Variants in SYT12 observed in about 807,000 individuals in gnomAD.
SYT12 encodes the protein synaptotagmin-12.
In SYT12, 27 loss-of-function variants were observed where a neutral mutation model predicts 39.5. The observed-to-expected ratio is 0.68, with a 90% CI of 0.50 to 0.94. The LOEUF (loss-of-function observed/expected upper bound fraction) is 0.94, where lower values mean the gene tolerates loss of function less well. Among genes scored for constraint, SYT12 ranks in the 40% least tolerant of loss-of-function variants. The probability of loss-of-function intolerance (pLI) is 0.00; values close to 1 mark genes in which losing one functional copy is unlikely to be tolerated. For missense variants in SYT12, 536 were observed against 572.6 expected, an observed-to-expected ratio of 0.94 and a Z score of 0.65; for synonymous variants, 233 against 239.7, an observed-to-expected ratio of 0.97 and a Z score of 0.26.
chr11:67,034,055 A>G (rs1052943903), intron 2 of SYT12, among the ~76,000 whole-genome samples: 2 of 152,232 alleles, frequency 1.3e-5, no homozygotes, highest in African/African-American at 2.4e-5. Flanking sequence ...AGAGATTCAC[A>G]GAGAGAAAAG....
At chr11:67,020,370 T>C (rs538481491), upstream of SYT12, among the ~76,000 whole-genome samples, 2 of 152,290 alleles carry the variant, frequency 1.3e-5, no homozygotes, top group East Asian at 3.9e-4. Context: ...CAGCAGGGTC[T>C]GTAGGCCCCA....
At chr11:67,038,180 T>C (rs1343129777) in intron 3 of SYT12, among the ~76,000 whole-genome samples, 2 of 151,456 alleles carry the variant, frequency 1.3e-5, no homozygotes, top group African/African-American at 4.9e-5. Flanking sequence ...TATTTATTTA[T>C]TTTTGAGACA....
Position 67,039,776 on chromosome 11 carries a change from C to T in SYT12, c.229-35C>T, listed in dbSNP as rs1452206924. The T allele has an allele frequency of 1.9e-6, 3 of 1,572,310 alleles. No individual in the cohort carries two copies. The African/African-American group carries it at 4.0e-5, about 21-fold the overall frequency. On this transcript the variant is annotated intron_variant, in intron 3 of 7. Coordinates refer to ENST00000527043, the MANE Select transcript of SYT12 (RefSeq NM_177963.4). ...TCCCAGTGACCTTGCCTATGGCCCC[C>T]ATGATGCTCCCACGTCCCTCTTTCT...
rs1157177288 is a variant in SYT12, at chr11:67,023,278, T to C, written c.-206T>C. 2 of 148,898 alleles carry C rather than the reference T, an allele frequency of 1.3e-5. No homozygotes were observed. Among genetic ancestry groups the C allele is most frequent in the Non-Finnish European group, 3.0e-5 (2 of 66,806 alleles). 9.2% of individuals were successfully genotyped at this position (148,898 alleles called of 1,614,324 possible). ...TGCCCGGACTGCGGCGCAGCTCCGG[T>C]CCGCCGCCCCGGCCCGGCCGAGCCC... On this transcript the variant is annotated 5_prime_UTR_variant, in exon 1 of 8. Transcript: ENST00000527043.
intron 3 of SYT12, among the ~76,000 whole-genome samples, chr11:67,038,428 T>A (rs1950429356): frequency 2.0e-5 from 3 of 151,680 alleles, no homozygotes; most frequent in Admixed American, 2.0e-4. Flanking sequence ...CCTCCCAAAG[T>A]GCTGGTTTTA....
Position 67,013,416 on chromosome 11 carries a change from C to G in SYT12, c.-69+2422C>G, listed in dbSNP as rs1950029066. Among the ~76,000 whole-genome samples, 5 of 152,304 alleles carry G rather than the reference C, an allele frequency of 3.3e-5. No homozygotes were observed. The South Asian group carries it at 1.0e-3, about 32-fold the overall frequency. The stretch of plus-strand genomic sequence containing the variant: ...GCCTGGCAGGGTTGCACCTTCTCCC[C>G]TTTCTCCCTGCAGCCCTTCCAGGAA... On this transcript the variant is annotated intron_variant, in intron 3 of 10. Transcript: ENST00000393946.
intron 5 of SYT12, 83 bp downstream of exon 5, chr11:67,043,936 T>C (rs1463138309): frequency 1.6e-6 from 2 of 1,255,346 alleles, no homozygotes; most frequent in Non-Finnish European, 1.1e-6. Flanking sequence ...ATCCTCATCA[T>C]CCTCTGCAAT....
rs1950557167 is a variant in SYT12 at position 67,043,674 on chromosome 11, A to G, written c.658A>G (p.Lys220Glu). The G allele has an allele frequency of 1.9e-6, 3 of 1,614,072 alleles. No individual in the cohort carries two copies. Among genetic ancestry groups the G allele is most frequent in the South Asian group, 1.1e-5 (1 of 91,074 alleles). Residue 220 changes from lysine to glutamate, a missense_variant, in exon 5 of 8, where the codon AAG (lysine) becomes GAG (glutamate). Coordinates refer to ENST00000527043, the MANE Select transcript of SYT12 (RefSeq NM_177963.4). ...TGCCTACTCCATCTTCTTTGATGAG[A>G]AGTTCTCCATCCCCCTGGATCCCAC... is the stretch of plus-strand genomic sequence containing the variant. The part of the protein sequence containing the change: ...RNAYSIFFDE[K>E]FSIPLDPTAL...
Position 67,048,904 on chromosome 11 carries a change from C to A in SYT12, c.*147C>A. The A allele has an allele frequency of 1.1e-6, 1 of 940,520 alleles. No individual in the cohort carries two copies. The highest frequency in any genetic ancestry group is 1.6e-6 in the Non-Finnish European group (1 of 644,336). 58.3% of individuals were successfully genotyped at this position (940,520 alleles called of 1,614,324 possible). ...TCATGACCCATCCTGGTCTCTCTGT[C>A]CAGATTGCAGCAGAGGAGTGGGCGT... On this transcript the variant is annotated 3_prime_UTR_variant, in exon 8 of 8. Transcript: ENST00000527043.
At chr11:67,045,964 C>T in intron 7 of SYT12, 87 bp downstream of exon 7, 1 of 1,550,508 alleles carries the variant, frequency 6.4e-7, no homozygotes, top group South Asian at 1.2e-5. Flanking sequence ...TCTCAGGGCC[C>T]CTGCAGGGGT....
At chr11:67,026,874 T>A (rs905458541) in intron 1 of SYT12, 2 of 152,196 alleles carry the variant, frequency 1.3e-5, no homozygotes, top group Non-Finnish European at 2.9e-5. Context: ...CTGCCCAGAC[T>A]AGGGGTTAGG....
chr11:67,020,317 C>T (rs1265537459), upstream of SYT12, among the ~76,000 whole-genome samples: 1 of 152,204 alleles, frequency 6.6e-6, no homozygotes, highest in Non-Finnish European at 1.5e-5. Context: ...GAGGCAGGAG[C>T]TCAGCAGGTG....
intron 3 of SYT12, 71 bp from the exon 4 acceptor site, chr11:67,039,740 T>G: frequency 1.3e-6 from 2 of 1,521,744 alleles, no homozygotes; most frequent in Admixed American, 3.9e-5. Flanking sequence ...CTTACTCATC[T>G]CTTTGCCGTC....
intron 2 of SYT12, chr11:67,030,510 C>T (rs1293726980): frequency 3.3e-6 from 1 of 301,142 alleles, no homozygotes; most frequent in Non-Finnish European, 6.2e-6. Flanking sequence ...CCGAGGCCTT[C>T]TGTGGAGACT....
rs377412800 is a variant in SYT12 at position 67,023,822 on chromosome 11, C to T, written c.-24+362C>T. Among the ~76,000 whole-genome samples, 8 of 152,266 alleles carry T rather than the reference C, an allele frequency of 5.3e-5. No individual in the cohort carries two copies. The East Asian group carries it at 1.5e-3, about 29-fold the overall frequency. On this transcript the variant is annotated intron_variant, in intron 1 of 7. Coordinates refer to ENST00000527043, the MANE Select transcript of SYT12 (RefSeq NM_177963.4). ...CCCTGCTCTGGCTTCGCACCCCCTC[C>T]CGACACTCCGGTCCCCATACACCCT... is the stretch of plus-strand genomic sequence containing the variant.
At chr11:67,039,725 C>G in intron 3 of SYT12, 86 bp from the exon 4 acceptor site, 1 of 1,461,550 alleles carries the variant, frequency 6.8e-7, no homozygotes, top group Non-Finnish European at 9.1e-7. Flanking sequence ...CGAGAATGAA[C>G]AGGCCTTACT....
chr11:67,019,969 C>T (rs1037453245), upstream of SYT12, among the ~76,000 whole-genome samples: 2 of 151,494 alleles, frequency 1.3e-5, no homozygotes, highest in East Asian at 3.9e-4. Flanking sequence ...TGGCCTTGGG[C>T]GCCTTTTCTT....
rs147999373 is a variant in SYT12 at position 67,043,834 on chromosome 11, A to G, written c.818A>G (p.Tyr273Cys). 271 of 1,614,042 alleles carry G rather than the reference A, an allele frequency of 1.7e-4. No individual in the cohort carries two copies. The African/African-American group carries it at 2.9e-3, about 18-fold the overall frequency. Residue 273 changes from tyrosine to cysteine, a missense_variant, in exon 5 of 8, where the codon TAT becomes TGT. By Grantham distance (194) the Tyr-to-Cys change is radical. Coordinates refer to ENST00000527043, the MANE Select transcript of SYT12 (RefSeq NM_177963.4). ...CTGCAGCCCTTCAGTGGCTGGCTCTATTTACAGGACCAGAACAAGGTAAGT... is the reference window on the plus strand; with the variant it reads ...CTGCAGCCCTTCAGTGGCTGGCTCTGTTTACAGGACCAGAACAAGGTAAGT... ...LPLQPFSGWL[Y>C]LQDQNKAADA...
chr11:67,030,127 G>A lies in SYT12; in HGVS notation c.-18G>A. On this transcript the variant is annotated 5_prime_UTR_variant, in exon 2 of 8. Transcript: ENST00000527043. ...CACTCTCTTTTCCCTTCCAGTCACA[G>A]TCACTGCAGCAGACATCATGGCTGT... The A allele has an allele frequency of 6.2e-7, 1 of 1,613,790 alleles. No homozygotes were observed. Among genetic ancestry groups the A allele is most frequent in the Non-Finnish European group, 8.5e-7 (1 of 1,179,982 alleles).
Sources: gnomAD v4.1 joint callset for allele counts (sites outside exome capture counted in the v4.1 genomes callset) on GRCh38, gnomAD v4.1.1 for gene constraint, MANE v1.5 for transcripts, NCBI Gene and HGNC (gene_info 2026-07-23, HGNC 2026-07-21) for gene names.